FOCAD: variants seen among roughly 807,000 people sequenced by gnomAD.
FOCAD encodes focadhesin.
Under a neutral mutation model 225.6 loss-of-function variants are expected in FOCAD, and 198 were observed. The ratio of observed to expected loss-of-function variants is 0.88; its 90% CI spans 0.78 to 0.99. FOCAD has a LOEUF of 0.99. FOCAD is among the 50% of genes least tolerant of loss of function. FOCAD has a pLI of 0.00. For synonymous variants in FOCAD, 897 were observed against 755.0 expected, an observed-to-expected ratio of 1.19 and a Z score of -3.08; for missense variants, 2,713 against 2,123.6, an observed-to-expected ratio of 1.28 and a Z score of -5.46.
At position 20,885,152 on chromosome 9, in the gene FOCAD, A is replaced by G. The variant is rs531413695; in HGVS notation, c.2547A>G (p.Lys849=). ...ATGATGTTTCCATGTATCAGAGTAA[A>G]GATGGAAAACCATTGAACAGACTGA... The part of the protein sequence containing the change: ...FCYDVSMYQS[K]DGKPLNRLMA... The change falls in exon 21 of 44, where the codon AAA becomes AAG. Residue 849 remains lysine (K), a synonymous_variant. Transcript: ENST00000338382. 3.7e-5 allele frequency: 57 copies of G among 1,541,464 alleles called. No homozygotes were observed. Among genetic ancestry groups the G allele is most frequent in the Admixed American group, 9.3e-5 (5 of 54,014 alleles).
At chr9:20,795,492 C>T (rs558099085) in intron 11 of FOCAD, among the ~76,000 whole-genome samples, 3 of 152,052 alleles carry the variant, frequency 2.0e-5, no homozygotes, top group African/African-American at 7.2e-5. Context: ...TAAGAAGACA[C>T]AGCATGTTTT....
intron 27 of FOCAD, among the ~76,000 whole-genome samples, chr9:20,931,717 C>A (rs1052011443): frequency 6.6e-6 from 1 of 151,950 alleles, no homozygotes; most frequent in Admixed American, 6.6e-5. Context: ...GAGGCCAAGG[C>A]GGGCAGATCA....
At chr9:20,969,711 A>AG (rs61299044) in intron 35 of FOCAD, among the ~76,000 whole-genome samples, 3 of 147,934 alleles carry the variant, frequency 2.0e-5, no homozygotes, top group Non-Finnish European at 3.0e-5. Flanking sequence ...AATATAAAAA[A>AG]ATATATATAT....
chr9:20,833,760 T>C (rs2131516697), intron 15 of FOCAD, among the ~76,000 whole-genome samples: 1 of 152,228 alleles, frequency 6.6e-6, no homozygotes, highest in East Asian at 1.9e-4. Flanking sequence ...GTTATATGAT[T>C]GACTAGTAAA....
At chr9:20,794,014 T>C (rs1341327211) in intron 11 of FOCAD, among the ~76,000 whole-genome samples, 1 of 152,162 alleles carries the variant, frequency 6.6e-6, no homozygotes. Flanking sequence ...CCTTCCACAG[T>C]CAGCCCTTCA....
intron 4 of FOCAD, among the ~76,000 whole-genome samples, chr9:20,738,894 A>G (rs930779549): frequency 1.3e-5 from 2 of 152,218 alleles, no homozygotes; most frequent in Admixed American, 6.5e-5. Flanking sequence ...TCAACATGTA[A>G]TCAATATAAA....
At chr9:20,793,266 T>C (rs980683551) in intron 11 of FOCAD, among the ~76,000 whole-genome samples, 1 of 152,146 alleles carries the variant, frequency 6.6e-6, no homozygotes, top group Non-Finnish European at 1.5e-5. Flanking sequence ...AACTGAAATA[T>C]AAGGTCAAGT....
intron 21 of FOCAD, among the ~76,000 whole-genome samples, chr9:20,889,689 T>G (rs989773882): frequency 1.3e-5 from 2 of 152,202 alleles, no homozygotes; most frequent in South Asian, 4.1e-4. Flanking sequence ...CTTCCAACTT[T>G]GTTTCATGTT....
At chr9:20,662,939 T>A (rs1821778390) in intron 2 of FOCAD, among the ~76,000 whole-genome samples, 1 of 152,248 alleles carries the variant, frequency 6.6e-6, no homozygotes, top group African/African-American at 2.4e-5. Flanking sequence ...ATTATTTGTA[T>A]CCAGTTGTCT....
intron 1 of FOCAD, among the ~76,000 whole-genome samples, chr9:20,699,783 T>TATATATATAC (rs1554657409): frequency 5.1e-5 from 4 of 78,806 alleles, no homozygotes; most frequent in African/African-American, 1.8e-4. Context: ...AATATATATA[T>TATATATATAC]ATATATATAT....
intron 15 of FOCAD, among the ~76,000 whole-genome samples, chr9:20,836,663 G>A (rs952862403): frequency 6.6e-6 from 1 of 151,962 alleles, no homozygotes; most frequent in Non-Finnish European, 1.5e-5. Flanking sequence ...ACTTTAAAAG[G>A]ACAGCAGGAA....
At chr9:20,917,900 T>C (rs536195628) in intron 24 of FOCAD, among the ~76,000 whole-genome samples, 1 of 152,190 alleles carries the variant, frequency 6.6e-6, no homozygotes, top group Non-Finnish European at 1.5e-5. Context: ...CACTGTTCAG[T>C]CTCATGTCTT....
chr9:20,864,364 C>T (rs1383590795), intron 16 of FOCAD, among the ~76,000 whole-genome samples: 1 of 152,076 alleles, frequency 6.6e-6, no homozygotes, highest in Non-Finnish European at 1.5e-5. Flanking sequence ...CTGTATGCTG[C>T]ACTCCAATAA....
chr9:20,804,605 G>A (rs976024421), intron 11 of FOCAD, among the ~76,000 whole-genome samples: 12 of 151,554 alleles, frequency 7.9e-5, no homozygotes, highest in African/African-American at 2.7e-4. Context: ...TTGTCTTGTT[G>A]TGCAAAAAGT....
intron 23 of FOCAD, 119 bp downstream of exon 23, chr9:20,913,073 G>T: frequency 2.8e-6 from 2 of 708,698 alleles, no homozygotes; most frequent in South Asian, 1.9e-5. Flanking sequence ...GAGCCTGAAG[G>T]GGAAATGACA....
chr9:20,892,266 G>C (rs1247525942), intron 21 of FOCAD, among the ~76,000 whole-genome samples: 3 of 152,164 alleles, frequency 2.0e-5, no homozygotes, highest in Non-Finnish European at 4.4e-5. Context: ...GGATCAAGGA[G>C]TAATTTTGAC....
intron 2 of FOCAD, among the ~76,000 whole-genome samples, chr9:20,664,647 T>C (rs908103190): frequency 6.6e-6 from 1 of 150,554 alleles, no homozygotes; most frequent in Non-Finnish European, 1.5e-5. Flanking sequence ...CTTTCTTTTT[T>C]TTTTTTTTTC....
At chr9:20,778,897 AT>A in intron 9 of FOCAD, 129 bp downstream of exon 9, 1 of 510,464 alleles carries the variant, frequency 2.0e-6, no homozygotes, top group Non-Finnish European at 3.4e-6. Context: ...AAATTATTAA[AT>A]AGAATTTTTT....
rs551102582 is a variant in FOCAD at position 20,820,376 on chromosome 9, G to A, written c.1613G>A (p.Arg538Gln). The A allele has an allele frequency of 2.2e-5, 36 of 1,612,820 alleles. No individual in the cohort carries two copies. The highest frequency in any genetic ancestry group is 1.5e-4 in the Admixed American group (9 of 59,880). Residue 538 changes from arginine (R) to glutamine (Q), a missense_variant, in exon 13 of 44, where the codon CGA (arginine) becomes CAA (glutamine). Arg to Gln is a conservative substitution (Grantham distance 43, BLOSUM62 1). Coordinates refer to ENST00000338382, the MANE Select transcript of FOCAD (RefSeq NM_001375567.1). ...RIIQLLGTTP[R>Q]LRAVTLRLLT... The stretch of plus-strand genomic sequence containing the variant: ...ATACAACTACTTGGAACCACACCAC[G>A]ACTAAGAGCTGTCACTTTGCGCTTG...
Sources: allele counts gnomAD v4.1 joint callset (sites outside exome capture counted in the v4.1 genomes callset), GRCh38; gene constraint gnomAD v4.1.1; transcripts MANE v1.5; gene names NCBI Gene and HGNC (gene_info 2026-07-23, HGNC 2026-07-21).